VTI1A: variants seen among roughly 807,000 people sequenced by gnomAD.
The protein encoded by VTI1A is vesicle transport through interaction with t-SNAREs 1A.
In VTI1A, 22 loss-of-function variants were observed where a neutral mutation model predicts 34.9. That is an observed-to-expected ratio of 0.63 (90% CI 0.45 to 0.90). VTI1A has a LOEUF of 0.90. Ranked by LOEUF, VTI1A falls within the 40% of genes least tolerant of loss-of-function variation. VTI1A has a pLI of 0.00. For synonymous variants in VTI1A, 87 were observed against 97.3 expected (o/e 0.89, Z 0.62); for missense variants, 268 against 275.6 (o/e 0.97, Z 0.20).
intron 1 of VTI1A, among the ~76,000 whole-genome samples, chr10:112,451,218 C>T (rs1847226530): frequency 6.6e-6 from 1 of 152,192 alleles, no homozygotes. Context: ...GGCCTGTCTC[C>T]TCCATCGGTA....
At chr10:112,765,875 G>A (rs1590165755) in intron 7 of VTI1A, among the ~76,000 whole-genome samples, 1 of 152,158 alleles carries the variant, frequency 6.6e-6, no homozygotes, top group South Asian at 2.1e-4. Context: ...TGCTAACGAC[G>A]CCAGTCCAGA....
chr10:112,823,289 G>C (rs1265002726), downstream of VTI1A, among the ~76,000 whole-genome samples: 1 of 152,240 alleles, frequency 6.6e-6, no homozygotes, highest in Non-Finnish European at 1.5e-5. Flanking sequence ...GGACTGTTTA[G>C]ATCGGGGCCG....
intron 7 of VTI1A, among the ~76,000 whole-genome samples, chr10:112,727,805 T>C (rs1306309272): frequency 6.6e-6 from 1 of 152,112 alleles, no homozygotes; most frequent in Admixed American, 6.5e-5. Flanking sequence ...TCTGCCTAGT[T>C]TTTCCCTTCT....
intron 3 of VTI1A, among the ~76,000 whole-genome samples, chr10:112,481,395 A>C (rs11195972): frequency 6.6e-6 from 1 of 152,052 alleles, no homozygotes; most frequent in Non-Finnish European, 1.5e-5. Flanking sequence ...AGTCTTTGAT[A>C]GCATACGGAC....
At chr10:112,451,005 T>C (rs1230273920) in intron 1 of VTI1A, among the ~76,000 whole-genome samples, 1 of 152,220 alleles carries the variant, frequency 6.6e-6, no homozygotes, top group African/African-American at 2.4e-5. Context: ...AGTAGTCTTT[T>C]TGCAATTAGT....
Position 112,699,561 on chromosome 10 carries a change from G to T in VTI1A, c.560+30563G>T, listed in dbSNP as rs1464143808. Among the ~76,000 whole-genome samples, 6 of 152,256 alleles carry T rather than the reference G, an allele frequency of 3.9e-5. No individual in the cohort carries two copies. In the East Asian group the frequency reaches 9.6e-4, roughly 24 times the overall value. On this transcript the variant is annotated intron_variant, in intron 7 of 7. Transcript: ENST00000393077. ...CAGAACACTGGGAGGAGCCGGGCATGGTGGCTCACGCCTATAATCCCAGCA... is the reference window on the plus strand; with the variant it reads ...CAGAACACTGGGAGGAGCCGGGCATTGTGGCTCACGCCTATAATCCCAGCA...
At chr10:112,504,986 C>A (rs1351949141) in intron 3 of VTI1A, among the ~76,000 whole-genome samples, 1 of 151,310 alleles carries the variant, frequency 6.6e-6, no homozygotes, top group Non-Finnish European at 1.5e-5. Context: ...TTGTTAAGTT[C>A]TATTATTTTT....
chr10:112,731,506 T>G (rs1311409682), intron 7 of VTI1A, among the ~76,000 whole-genome samples: 1 of 149,428 alleles, frequency 6.7e-6, no homozygotes, highest in Non-Finnish European at 1.5e-5. Flanking sequence ...ACCTGGAAGG[T>G]GGAGGTTGCA....
chr10:112,763,526 T>G (rs1451780675), intron 7 of VTI1A, among the ~76,000 whole-genome samples: 2 of 152,032 alleles, frequency 1.3e-5, no homozygotes. Context: ...ACTAAGGTGA[T>G]GAGGTTGAAT....
In VTI1A at chr10:112,620,799, AAAAAG is replaced by A. The variant is rs567989176; in HGVS notation, c.428-47404_428-47400del. 4.6e-4 allele frequency among the ~76,000 whole-genome samples: 70 copies of A among 152,040 alleles called. No homozygotes were observed. The South Asian group carries it at 0.012, about 26-fold the overall frequency. On this transcript the variant is annotated intron_variant, in intron 5 of 7. Transcript: ENST00000393077. Reference sequence around the variant, plus strand: ...GACCGAAACTCCATCTCAAAAAAAAAAAAAGAAAAGAAAAGAAAAAAGAAATTTTG... The same window carrying A: ...GACCGAAACTCCATCTCAAAAAAAAAAAAAGAAAAGAAAAAAGAAATTTTG...
intron 7 of VTI1A, among the ~76,000 whole-genome samples, chr10:112,755,023 AAGGT>A (rs1851231416): frequency 6.6e-6 from 1 of 151,980 alleles, no homozygotes; most frequent in Admixed American, 6.6e-5. Flanking sequence ...TTGGGAGGCT[AAGGT>A]AGGCAGGAGT....
chr10:112,447,306 C>T lies in VTI1A; in HGVS notation c.-68C>T. On this transcript the variant is annotated 5_prime_UTR_variant, in exon 1 of 8. Coordinates refer to ENST00000393077, the MANE Select transcript of VTI1A (RefSeq NM_145206.4). ...TCCGGGGTTCCTAAGCCGCGGGGCC[C>T]CTCGCTGCCCCTCGAGGCCCTTTCC... The T allele has an allele frequency of 6.5e-7, 1 of 1,534,240 alleles. No homozygotes were observed.
intron 7 of VTI1A, among the ~76,000 whole-genome samples, chr10:112,807,567 T>C (rs573653043): frequency 3.9e-4 from 60 of 151,966 alleles, no homozygotes; most frequent in African/African-American, 1.4e-3. Flanking sequence ...AGATCCTTAA[T>C]GAAGTCCAGC....
At chr10:112,619,497 A>G (rs1264396340) in intron 5 of VTI1A, among the ~76,000 whole-genome samples, 2 of 152,076 alleles carry the variant, frequency 1.3e-5, no homozygotes, top group African/African-American at 4.8e-5. Flanking sequence ...TCTTTGAACT[A>G]TTTGCTGCCT....
intron 5 of VTI1A, among the ~76,000 whole-genome samples, chr10:112,588,686 T>A (rs758729800): frequency 1.2e-4 from 18 of 152,204 alleles, no homozygotes; most frequent in Admixed American, 3.9e-4. Flanking sequence ...CAGTAATGCA[T>A]GAAAGGTCAT....
Position 112,782,965 on chromosome 10 carries a change from G to A in VTI1A, c.561-32325G>A, listed in dbSNP as rs536527290. 7.9e-5 allele frequency among the ~76,000 whole-genome samples: 12 copies of A among 152,234 alleles called. No homozygotes were observed. In the East Asian group the frequency reaches 1.7e-3, roughly 22 times the overall value. On this transcript the variant is annotated intron_variant, in intron 7 of 7. Coordinates refer to ENST00000393077, the MANE Select transcript of VTI1A (RefSeq NM_145206.4). ...TCATAAATGAAAATACCATCAGATC[G>A]AAAGTGCAGAACTTGGTAGGAAAGA... is the stretch of plus-strand genomic sequence containing the variant.
chr10:112,773,478 C>G (rs1851871256), intron 7 of VTI1A, among the ~76,000 whole-genome samples: 1 of 152,176 alleles, frequency 6.6e-6, no homozygotes, highest in African/African-American at 2.4e-5. Flanking sequence ...AAACCTGCCC[C>G]ATAAACTATC....
At chr10:112,530,098 CTT>C (rs1850367126) in intron 4 of VTI1A, among the ~76,000 whole-genome samples, 1 of 152,018 alleles carries the variant, frequency 6.6e-6, no homozygotes, top group Admixed American at 6.5e-5. Flanking sequence ...ATACAATACC[CTT>C]TGCATTTAAT....
chr10:112,803,161 TGG>T (rs1852935692), intron 7 of VTI1A, among the ~76,000 whole-genome samples: 1 of 152,130 alleles, frequency 6.6e-6, no homozygotes, highest in Non-Finnish European at 1.5e-5. Context: ...CTCTGCCTCC[TGG>T]GTTCAAGCAT....
Sources: allele counts gnomAD v4.1 joint callset (sites outside exome capture counted in the v4.1 genomes callset), GRCh38; gene constraint gnomAD v4.1.1; transcripts MANE v1.5; gene names NCBI Gene and HGNC (gene_info 2026-07-23, HGNC 2026-07-21).